Variants in ZCCHC7 observed in about 807,000 individuals in gnomAD.
The protein encoded by ZCCHC7 is zinc finger CCHC domain-containing protein 7.
ZCCHC7 carries 35 observed loss-of-function variants against 52.0 expected under a neutral mutation model. That is an observed-to-expected ratio of 0.67 (90% CI 0.51 to 0.89). The LOEUF (loss-of-function observed/expected upper bound fraction) is 0.89. Among genes scored for constraint, ZCCHC7 ranks in the 40% least tolerant of loss-of-function variants. The pLI is 0.00. For synonymous variants in ZCCHC7, 217 were observed against 221.5 expected (o/e 0.98, Z 0.18); for missense variants, 574 against 649.1 (o/e 0.88, Z 1.26).
intron 2 of ZCCHC7, chr9:37,186,850 C>A: frequency 5.4e-6 from 2 of 369,786 alleles, no homozygotes; most frequent in South Asian, 1.7e-4. Context: ...TCTGAATTTG[C>A]ACCTACTCTG....
intron 2 of ZCCHC7, among the ~76,000 whole-genome samples, chr9:37,270,272 C>T (rs1827339844): frequency 6.6e-6 from 1 of 152,160 alleles, no homozygotes; most frequent in African/African-American, 2.4e-5. Flanking sequence ...GAAAAGCAAG[C>T]TTAGGATTGG....
chr9:37,129,664 C>T (rs1276689948), intron 2 of ZCCHC7, among the ~76,000 whole-genome samples: 1 of 152,110 alleles, frequency 6.6e-6, no homozygotes, highest in Non-Finnish European at 1.5e-5. Context: ...ATTTTGTGTT[C>T]TGTTTCCTTG....
At chr9:37,156,221 T>C (rs1216628426) in intron 2 of ZCCHC7, among the ~76,000 whole-genome samples, 2 of 152,248 alleles carry the variant, frequency 1.3e-5, no homozygotes, top group East Asian at 1.9e-4. Context: ...TTTGTGAACA[T>C]TTATTTGAAT....
At chr9:37,218,095 G>A (rs80249809) in intron 2 of ZCCHC7, among the ~76,000 whole-genome samples, 5,056 of 152,092 alleles carry the variant, frequency 0.033, 287 homozygotes, top group African/African-American at 0.11. Flanking sequence ...ACAAATTTAG[G>A]GCCATTAAAT....
At chr9:37,231,670 C>G (rs1407628486) in intron 2 of ZCCHC7, among the ~76,000 whole-genome samples, 2 of 151,632 alleles carry the variant, frequency 1.3e-5, no homozygotes, top group East Asian at 1.9e-4. Context: ...TTTTTTTCAC[C>G]CTAATTGTTG....
At chr9:37,318,923 A>G (rs1042076414) in intron 5 of ZCCHC7, among the ~76,000 whole-genome samples, 3 of 149,224 alleles carry the variant, frequency 2.0e-5, no homozygotes, top group Non-Finnish European at 4.5e-5. Flanking sequence ...AGCCTGGGCA[A>G]CAGAGTGAGA....
chr9:37,144,763 A>C (rs1373367069), intron 2 of ZCCHC7, among the ~76,000 whole-genome samples: 3 of 152,002 alleles, frequency 2.0e-5, no homozygotes, highest in African/African-American at 7.2e-5. Context: ...ACAGACTTCA[A>C]GTCTAAAGTA....
intron 1 of ZCCHC7, among the ~76,000 whole-genome samples, chr9:37,123,222 T>TGTGTGTGTGC (rs1017752285): frequency 9.6e-5 from 10 of 103,764 alleles, no homozygotes; most frequent in African/African-American, 3.0e-4. Context: ...TGTGTGTGTG[T>TGTGTGTGTGC]GTGCGTGTGC....
chr9:37,343,875 A>T (rs1820790271), intron 6 of ZCCHC7, among the ~76,000 whole-genome samples: 1 of 152,222 alleles, frequency 6.6e-6, no homozygotes, highest in South Asian at 2.1e-4. Flanking sequence ...TCCTTATAGT[A>T]TGAAATCAAC....
chr9:37,211,805 G>A (rs1366912778), intron 2 of ZCCHC7, among the ~76,000 whole-genome samples: 1 of 152,000 alleles, frequency 6.6e-6, no homozygotes, highest in Non-Finnish European at 1.5e-5. Flanking sequence ...AATGTGGGCG[G>A]ATCACGAGGT....
At chr9:37,137,752 C>G (rs1477988052) in intron 2 of ZCCHC7, among the ~76,000 whole-genome samples, 1 of 152,132 alleles carries the variant, frequency 6.6e-6, no homozygotes, top group Non-Finnish European at 1.5e-5. Flanking sequence ...TCCTTATAAT[C>G]TTTTAACATA....
At chr9:37,211,426 A>G (rs897477658) in intron 2 of ZCCHC7, among the ~76,000 whole-genome samples, 2 of 152,158 alleles carry the variant, frequency 1.3e-5, no homozygotes, top group East Asian at 3.8e-4. Flanking sequence ...GCCAAGATAG[A>G]TTACATTATA....
At chr9:37,146,893 AT>A (rs906944725) in intron 2 of ZCCHC7, among the ~76,000 whole-genome samples, 1 of 151,892 alleles carries the variant, frequency 6.6e-6, no homozygotes, top group Non-Finnish European at 1.5e-5. Flanking sequence ...GTGGGTACTT[AT>A]ATTGATTGAC....
Position 37,161,868 on chromosome 9 carries a change from G to GT in ZCCHC7, c.610+34927dup, listed in dbSNP as rs1284413523. 3.3e-5 allele frequency among the ~76,000 whole-genome samples: 5 copies of GT among 152,316 alleles called. No homozygotes were observed. In the East Asian group the frequency reaches 9.6e-4, roughly 29 times the overall value. ...CATGGCAGACAACACTTCTTGAGCT[G>GT]TAACAGGTGGACATTAAATCCATGA... On this transcript the variant is annotated intron_variant, in intron 2 of 8. Coordinates refer to ENST00000336755, the MANE Select transcript of ZCCHC7 (RefSeq NM_032226.3).
At chr9:37,204,947 C>T (rs1823825313) in intron 2 of ZCCHC7, among the ~76,000 whole-genome samples, 1 of 152,124 alleles carries the variant, frequency 6.6e-6, no homozygotes, top group African/African-American at 2.4e-5. Flanking sequence ...TTGAATGTGT[C>T]CCCCAAAGGT....
chr9:37,257,021 C>T (rs1826622585), intron 2 of ZCCHC7, among the ~76,000 whole-genome samples: 1 of 152,040 alleles, frequency 6.6e-6, no homozygotes, highest in African/African-American at 2.4e-5. Flanking sequence ...TTTATATATA[C>T]ATGGGAGACA....
At chr9:37,128,172 G>A (rs375778655) in intron 2 of ZCCHC7, among the ~76,000 whole-genome samples, 1 of 152,174 alleles carries the variant, frequency 6.6e-6, no homozygotes, top group East Asian at 1.9e-4. Context: ...TGGGTTGGGG[G>A]CCAGGTTAGA....
chr9:37,145,636 A>G (rs769497064), intron 2 of ZCCHC7, among the ~76,000 whole-genome samples: 3 of 151,960 alleles, frequency 2.0e-5, no homozygotes, highest in Non-Finnish European at 4.4e-5. Flanking sequence ...ATTATAAATA[A>G]GTAAAAATGC....
intron 2 of ZCCHC7, among the ~76,000 whole-genome samples, chr9:37,267,030 A>G (rs1333321794): frequency 1.3e-5 from 2 of 152,220 alleles, no homozygotes; most frequent in Non-Finnish European, 2.9e-5. Context: ...AGAGAGGTAT[A>G]CTATCCGGAA....
Sources: gnomAD v4.1 joint callset for allele counts (sites outside exome capture counted in the v4.1 genomes callset) on GRCh38, gnomAD v4.1.1 for gene constraint, MANE v1.5 for transcripts, NCBI Gene and HGNC (gene_info 2026-07-23, HGNC 2026-07-21) for gene names.